Variants in ITK observed in about 807,000 individuals in gnomAD.
ITK encodes the protein tyrosine-protein kinase ITK/TSK.
Under a neutral mutation model 87.6 loss-of-function variants are expected in ITK, and 45 were observed. The ratio of observed to expected loss-of-function variants is 0.51; its 90% confidence interval spans 0.40 to 0.66. The LOEUF (loss-of-function observed/expected upper bound fraction) is 0.66, where lower values mean the gene tolerates loss of function less well. Among genes scored for constraint, ITK ranks in the 30% least tolerant of loss-of-function variants. The probability of loss-of-function intolerance (pLI) is 0.00; values close to 1 mark genes in which losing one functional copy is unlikely to be tolerated. For synonymous variants in ITK, 303 were observed against 273.6 expected (o/e 1.11, Z -1.06); for missense variants, 605 against 766.3 (o/e 0.79, Z 2.48).
At chr5:157,244,197 T>C in intron 12 of ITK, 65 bp from the exon 13 acceptor site, 2 of 1,255,526 alleles carry the variant, frequency 1.6e-6, no homozygotes, top group Non-Finnish European at 2.3e-6. Context: ...TTTGGTACCA[T>C]AATATTTTCG....
intron 3 of ITK, among the ~76,000 whole-genome samples, chr5:157,212,191 T>C (rs980691758): frequency 6.6e-6 from 1 of 152,184 alleles, no homozygotes; most frequent in South Asian, 2.1e-4. Context: ...ATTGAATGAT[T>C]GAGGACTTAG....
intron 8 of ITK, among the ~76,000 whole-genome samples, chr5:157,237,133 G>T (rs2113770333): frequency 6.6e-6 from 1 of 152,306 alleles, no homozygotes; most frequent in East Asian, 1.9e-4. Flanking sequence ...GCAAAGACAT[G>T]GAATCAACCT....
intron 15 of ITK, among the ~76,000 whole-genome samples, chr5:157,247,782 T>C (rs1755053550): frequency 6.6e-6 from 1 of 152,196 alleles, no homozygotes; most frequent in Admixed American, 6.5e-5. Flanking sequence ...TGTCCTACGT[T>C]TTAAGTTTCT....
chr5:157,234,540 G>A (rs957546427), intron 8 of ITK, among the ~76,000 whole-genome samples: 4 of 152,066 alleles, frequency 2.6e-5, no homozygotes, highest in African/African-American at 9.7e-5. Context: ...ATTCCATGGC[G>A]TATATGTGCC....
At chr5:157,205,424 T>C (rs1180464383) in intron 1 of ITK, among the ~76,000 whole-genome samples, 2 of 152,258 alleles carry the variant, frequency 1.3e-5, no homozygotes, top group African/African-American at 2.4e-5. Flanking sequence ...AAATACAAAA[T>C]GTAAAAATAC....
intron 1 of ITK, among the ~76,000 whole-genome samples, chr5:157,191,013 G>A (rs1274905074): frequency 6.6e-6 from 1 of 152,188 alleles, no homozygotes; most frequent in Non-Finnish European, 1.5e-5. Flanking sequence ...ATTATACAAT[G>A]GCCAAGAATA....
At chr5:157,210,448 T>C (rs1754166087) in intron 2 of ITK, among the ~76,000 whole-genome samples, 1 of 151,916 alleles carries the variant, frequency 6.6e-6, no homozygotes, top group South Asian at 2.1e-4. Context: ...AAAATCTCAA[T>C]GATAATGAGT....
intron 1 of ITK, among the ~76,000 whole-genome samples, chr5:157,191,274 G>A (rs1753749028): frequency 6.6e-6 from 1 of 152,076 alleles, no homozygotes; most frequent in Non-Finnish European, 1.5e-5. Flanking sequence ...CTTCCTGGGG[G>A]TACTTTGTCC....
At chr5:157,189,996 T>C (rs1753722904) in intron 1 of ITK, among the ~76,000 whole-genome samples, 1 of 152,186 alleles carries the variant, frequency 6.6e-6, no homozygotes, top group Non-Finnish European at 1.5e-5. Context: ...CTAAAAGTGA[T>C]CCTAAGGAGA....
At chr5:157,194,493 A>G (rs1285970528) in intron 1 of ITK, among the ~76,000 whole-genome samples, 6 of 152,238 alleles carry the variant, frequency 3.9e-5, no homozygotes, top group Non-Finnish European at 1.5e-5. Flanking sequence ...GTGGTAATAC[A>G]AGGAGTACCA....
In ITK at chr5:157,253,273, A is replaced by T. The variant is rs1755179882; in HGVS notation, c.*595A>T. On this transcript the variant is annotated 3_prime_UTR_variant, in exon 17 of 17. Transcript: ENST00000422843. The stretch of plus-strand genomic sequence containing the variant: ...CAGCTGCTCACACAGGAGGCCGGAT[A>T]TTCTGAGAAGCAGCTTTATGAGGTT... 4.1e-6 allele frequency: 1 copy of T among 245,252 alleles called. No individual in the cohort carries two copies. The allele number at this position is 245,252 out of a possible 1,614,324, so 15.2% of individuals were successfully genotyped here.
At position 157,254,319 on chromosome 5, in the gene ITK, A is replaced by G; in HGVS notation, c.*1641A>G. ...CATGTTAATGACTTTGGAGTTATTCAGTTAATGACCCTTTAATTCTCACAA... is the reference window on the plus strand; with the variant it reads ...CATGTTAATGACTTTGGAGTTATTCGGTTAATGACCCTTTAATTCTCACAA... On this transcript the variant is annotated 3_prime_UTR_variant, in exon 17 of 17. Coordinates refer to ENST00000422843, the MANE Select transcript of ITK (RefSeq NM_005546.4). The G allele has an allele frequency of 8.8e-6, 2 of 226,630 alleles. No individual in the cohort carries two copies. Among genetic ancestry groups the G allele is most frequent in the Non-Finnish European group, 1.8e-5 (2 of 113,964 alleles). The allele number at this position is 226,630 out of a possible 1,614,324, so 14.0% of individuals were successfully genotyped here.
chr5:157,228,265 T>C (rs773420117), intron 6 of ITK, 31 bp from the exon 7 acceptor site: 1 of 1,345,694 alleles, frequency 7.4e-7, no homozygotes, highest in East Asian at 2.3e-5. Context: ...TAGTTCTATG[T>C]AAGTCTAAAC....
chr5:157,207,096 T>TATAA, intron 1 of ITK, among the ~76,000 whole-genome samples: 1 of 152,184 alleles, frequency 6.6e-6, no homozygotes, highest in Non-Finnish European at 1.5e-5. Context: ...AAACAGCTTA[T>TATAA]ATAACCATGG....
rs1412287747 is a variant in ITK, at chr5:157,188,597, C to A, written c.138+7482C>A. On this transcript the variant is annotated intron_variant, in intron 1 of 16. Coordinates refer to ENST00000422843, the MANE Select transcript of ITK (RefSeq NM_005546.4). ...TTAGCTGTTTCCACTGTCTCAAACACCCCAGATTTTTGCAGGAGGGTTTGT... is the reference window on the plus strand; with the variant it reads ...TTAGCTGTTTCCACTGTCTCAAACAACCCAGATTTTTGCAGGAGGGTTTGT... 2.6e-5 allele frequency among the ~76,000 whole-genome samples: 4 copies of A among 151,680 alleles called. No homozygotes were observed. In the East Asian group the frequency reaches 7.7e-4, roughly 29 times the overall value.
At position 157,243,709 on chromosome 5, in the gene ITK, C is replaced by T; in HGVS notation, c.1147C>T (p.Leu383Phe). Residue 383 changes from leucine (L) to phenylalanine (F), a missense_variant, in exon 12 of 17, where the codon CTC (leucine) becomes TTC (phenylalanine). Coordinates refer to ENST00000422843, the MANE Select transcript of ITK (RefSeq NM_005546.4). Reference protein sequence around the residue: ...QFGLVHLGYWLNKDKVAIKTI... With the variant: ...QFGLVHLGYWFNKDKVAIKTI... ...TGGGTTGGTGCATCTGGGCTACTGG[C>T]TCAACAAGGACAAGGTGGCTATCAA... 1.9e-6 allele frequency: 3 copies of T among 1,613,824 alleles called. No individual in the cohort carries two copies. Among genetic ancestry groups the T allele is most frequent in the Non-Finnish European group, 2.5e-6 (3 of 1,179,910 alleles).
intron 1 of ITK, among the ~76,000 whole-genome samples, chr5:157,183,873 A>G (rs1330437630): frequency 5.3e-5 from 8 of 152,236 alleles, no homozygotes; most frequent in Non-Finnish European, 1.2e-4. Context: ...ACTCAAGAAC[A>G]TATTCTGTAA....
intron 7 of ITK, among the ~76,000 whole-genome samples, chr5:157,231,282 T>A (rs765788407): frequency 2.0e-5 from 3 of 152,194 alleles, no homozygotes; most frequent in Non-Finnish European, 2.9e-5. Context: ...TCCCTTCCCA[T>A]GCACTGAACT....
At chr5:157,244,762 A>C in intron 13 of ITK, 1 of 415,134 alleles carries the variant, frequency 2.4e-6, no homozygotes, top group East Asian at 5.1e-5. Context: ...TCTGTGACTC[A>C]ATTTCCTCCT....
Sources: gnomAD v4.1 joint callset for allele counts (sites outside exome capture counted in the v4.1 genomes callset) on GRCh38, gnomAD v4.1.1 for gene constraint, MANE v1.5 for transcripts, NCBI Gene and HGNC (gene_info 2026-07-23, HGNC 2026-07-21) for gene names.